CSPG4: variants seen among roughly 807,000 people sequenced by gnomAD.
CSPG4 encodes chondroitin sulfate proteoglycan 4, also known as chondroitin sulfate proteoglycan 4 (melanoma-associated).
CSPG4 carries 74 observed loss-of-function variants against 139.3 expected under a neutral mutation model. That is an observed-to-expected ratio of 0.53 (90% CI 0.44 to 0.64). CSPG4 has a LOEUF of 0.64. CSPG4 is among the 30% of genes least tolerant of loss of function. CSPG4 has a pLI of 0.00. For missense variants in CSPG4, 2,565 were observed against 3,148.3 expected (o/e 0.81, Z 4.43); for synonymous variants, 1,234 against 1,394.2 (o/e 0.89, Z 2.56).
intron 5 of CSPG4, 63 bp from the exon 6 acceptor site, chr15:75,683,104 C>T (rs1894002260): frequency 6.6e-7 from 1 of 1,510,744 alleles, no homozygotes; most frequent in Admixed American, 1.9e-5. Flanking sequence ...CCTCCCCGGC[C>T]CTGGGCTGCC....
chr15:75,702,524 A>G (rs1162577523), intron 1 of CSPG4, among the ~76,000 whole-genome samples: 1 of 152,146 alleles, frequency 6.6e-6, no homozygotes, highest in Non-Finnish European at 1.5e-5. Context: ...GAAAGGAGGG[A>G]GGGGCCCACC....
In CSPG4 at chr15:75,689,568, C is replaced by T. The variant is rs1894128323; in HGVS notation, c.1497G>A (p.Val499=). The change falls in exon 3 of 10, where the codon GTG becomes GTA. Residue 499 remains valine (V), a synonymous_variant. Coordinates refer to ENST00000308508, the MANE Select transcript of CSPG4 (RefSeq NM_001897.5). ...GGATGAAGCGGGCCTTGCGGTTCACCACGTCCAGGAGGGTGAACATTTTTC... is the reference window on the plus strand; with the variant it reads ...GGATGAAGCGGGCCTTGCGGTTCACTACGTCCAGGAGGGTGAACATTTTTC... ...QARKMFTLLD[V]VNRKARFIHD... is the part of the protein sequence containing the mutation. 6.2e-7 allele frequency: 1 copy of T among 1,612,694 alleles called. No individual in the cohort carries two copies. The highest frequency in any genetic ancestry group is 1.3e-5 in the African/African-American group (1 of 75,070).
rs1894090684 is a variant in CSPG4, at chr15:75,688,069, G to A, written c.2996C>T (p.Ala999Val). ...TRQGESSGDMAWEEVRGVFRV... is the reference protein window; with the variant it reads ...TRQGESSGDMVWEEVRGVFRV... Reference sequence around the variant, plus strand: ...GAAGACACCCCGTACCTCCTCCCAGGCCATGTCACCACTGCTCTCGCCCTG... The same window carrying A: ...GAAGACACCCCGTACCTCCTCCCAGACCATGTCACCACTGCTCTCGCCCTG... The change falls in exon 3 of 10, where the codon GCC becomes GTC. Residue 999 changes from alanine (A) to valine (V), a missense_variant. Transcript: ENST00000308508. 6.2e-7 allele frequency: 1 copy of A among 1,612,692 alleles called. No individual in the cohort carries two copies. Among genetic ancestry groups the A allele is most frequent in the African/African-American group, 1.3e-5 (1 of 74,940 alleles).
chr15:75,683,998 C>A (rs1360676819), intron 5 of CSPG4, among the ~76,000 whole-genome samples: 1 of 152,178 alleles, frequency 6.6e-6, no homozygotes, highest in Non-Finnish European at 1.5e-5. Flanking sequence ...AGGCCACCCG[C>A]TACGGGCACA....
chr15:75,690,278 C>A lies in CSPG4; in HGVS notation c.787G>T (p.Val263Leu), dbSNP rs141025839. 6.2e-7 allele frequency: 1 copy of A among 1,613,174 alleles called. No individual in the cohort carries two copies. The highest frequency in any genetic ancestry group is 1.7e-5 in the Admixed American group (1 of 60,010). The change falls in exon 3 of 10, where the codon GTG (valine) becomes TTG (leucine). Residue 263 changes from valine to leucine, a missense_variant. Transcript: ENST00000308508. ...ACGGTACCCTGGCCCTTCTCCACCA[C>A]GGCCCGCAGGTGGCCCTCAAATATG... ...VDIFEGHLRA[V>L]VEKGQGTVLL...
Position 75,689,726 on chromosome 15 carries a change from G to C in CSPG4, c.1339C>G (p.Leu447Val), listed in dbSNP as rs1366068744. 6.2e-7 allele frequency: 1 copy of C among 1,612,836 alleles called. No homozygotes were observed. Among genetic ancestry groups the C allele is most frequent in the African/African-American group, 1.3e-5 (1 of 75,062 alleles). ...LVVAEGGTAW[L>V]EWRHVQPTLD... ...GTGGGCTGCACATGCCTCCACTCAA[G>C]CCAGGCTGTGCCCCCCTCGGCCACC... The change falls in exon 3 of 10, where the codon CTT (leucine) becomes GTT (valine). Residue 447 changes from leucine to valine, a missense_variant. Leu to Val is a conservative substitution (Grantham distance 32). This residue lies in a region of CSPG4 where 2,316 missense variants were observed against 2,818.2 expected (regional missense o/e 0.82). Transcript: ENST00000308508.
intron 1 of CSPG4, among the ~76,000 whole-genome samples, chr15:75,710,067 AT>A (rs1376992444): frequency 6.6e-6 from 1 of 151,826 alleles, no homozygotes; most frequent in Non-Finnish European, 1.5e-5. Flanking sequence ...CCCTGCTTCA[AT>A]TTCTTGTACC....
In CSPG4 at chr15:75,688,970, C is replaced by A. The variant is rs146774923; in HGVS notation, c.2095G>T (p.Val699Leu). The stretch of plus-strand genomic sequence containing the variant: ...AGGGCCCCAGTGACGCGGAACAGCA[C>A]GCTCACATCCTGCCCCACGGCATTG... ...ETNAVGQDVS[V>L]LFRVTGALQF... Residue 699 changes from valine to leucine, a missense_variant, in exon 3 of 10, where the codon GTG becomes TTG. By Grantham distance (32) the Val-to-Leu change is conservative. Around this residue, in one of 5 missense-constraint regions of CSPG4, gnomAD observed 2,316 missense variants for 2,818.2 expected, o/e 0.82. Coordinates refer to ENST00000308508, the MANE Select transcript of CSPG4 (RefSeq NM_001897.5). The A allele has an allele frequency of 1.2e-6, 2 of 1,612,514 alleles. No individual in the cohort carries two copies. The highest frequency in any genetic ancestry group is 2.2e-5 in the South Asian group (2 of 91,056).
rs1028422945 is a variant in CSPG4, at chr15:75,696,422, A to G, written c.89-3189T>C. 6.6e-6 allele frequency among the ~76,000 whole-genome samples: 1 copy of G among 152,068 alleles called. No individual in the cohort carries two copies. The highest frequency in any genetic ancestry group is 2.4e-5 in the African/African-American group (1 of 41,394). ...CGTCAGTGGGCGTCCAGGGCTGTAT[A>G]TTAATAGATGTGTATTTGTGTGTGC... On this transcript the variant is annotated intron_variant, in intron 1 of 9. Coordinates refer to ENST00000308508, the MANE Select transcript of CSPG4 (RefSeq NM_001897.5). This position sits in a 1 kb window ranked among gnomAD's most constrained non-coding sequence, Gnocchi z 4.2.
chr15:75,711,584 T>C (rs989241711), intron 1 of CSPG4, among the ~76,000 whole-genome samples: 5 of 152,396 alleles, frequency 3.3e-5, no homozygotes, highest in African/African-American at 1.2e-4. Context: ...CTCCCTTGAC[T>C]CACTTCCCTT....
intron 5 of CSPG4, among the ~76,000 whole-genome samples, chr15:75,683,269 G>GC (rs1245939083): frequency 1.3e-5 from 2 of 152,110 alleles, no homozygotes; most frequent in Non-Finnish European, 2.9e-5. Flanking sequence ...CAGCCTCCCT[G>GC]CTCTCCATCT....
chr15:75,712,021 G>A (rs1596015659), intron 1 of CSPG4, among the ~76,000 whole-genome samples: 2 of 151,078 alleles, frequency 1.3e-5, no homozygotes, highest in Non-Finnish European at 3.0e-5. Flanking sequence ...CCTCTAGGAG[G>A]CTGAGAGTGG....
chr15:75,693,438 C>T (rs1566975946), intron 1 of CSPG4, among the ~76,000 whole-genome samples: 1 of 152,218 alleles, frequency 6.6e-6, no homozygotes, highest in Non-Finnish European at 1.5e-5. Context: ...CACCTTGTGT[C>T]CAGCCCAGAT....
At position 75,694,605 on chromosome 15, in the gene CSPG4, T is replaced by A. The variant is rs577630128; in HGVS notation, c.89-1372A>T. Among the ~76,000 whole-genome samples the A allele has an allele frequency of 3.9e-5, 6 of 152,338 alleles. No individual in the cohort carries two copies. The East Asian group carries it at 1.2e-3, about 29-fold the overall frequency. On this transcript the variant is annotated intron_variant, in intron 1 of 9. Coordinates refer to ENST00000308508, the MANE Select transcript of CSPG4 (RefSeq NM_001897.5). ...TCAGCCGTTGGAGGAGTCGGAGACT[T>A]GTACACCCTAAGGGCAGCCAGCCCC... is the stretch of plus-strand genomic sequence containing the variant.
intron 1 of CSPG4, among the ~76,000 whole-genome samples, chr15:75,699,501 T>C (rs1894272789): frequency 6.6e-6 from 1 of 152,172 alleles, no homozygotes; most frequent in Non-Finnish European, 1.5e-5. Flanking sequence ...ACATTTCCAG[T>C]TGAGGGAACC....
At chr15:75,678,845 G>A (rs1322027598) in intron 8 of CSPG4, 7 of 454,714 alleles carry the variant, frequency 1.5e-5, no homozygotes, top group Non-Finnish European at 3.1e-5. Context: ...CCGTGTTGTT[G>A]GATCCAGCGG....
At position 75,675,591 on chromosome 15, in the gene CSPG4, TC is replaced by T; in HGVS notation, c.6927del (p.Thr2310HisfsTer22). ...CCATTCTTAAGGGCAGGGTTGGGTG[TC>T]CGGCAGAACTGCAGCAGCTCTGGGT... is the stretch of plus-strand genomic sequence containing the variant. Reference protein sequence around the residue: ...QPDPELLQFCRTPNPALKNGQ... With the variant: ...QPDPELLQFCXTPNPALKNGQ... On this transcript the variant is annotated frameshift_variant, in exon 10 of 10. Transcript: ENST00000308508. LOFTEE classifies it high-confidence loss of function. The T allele has an allele frequency of 6.6e-7, 1 of 1,512,412 alleles. No individual in the cohort carries two copies. The highest frequency in any genetic ancestry group is 8.8e-7 in the Non-Finnish European group (1 of 1,130,908). The allele number at this position is 1,512,412 out of a possible 1,614,324, so 93.7% of individuals were successfully genotyped here. A position where few individuals can be genotyped will look rare whatever the true frequency, so the allele number is the denominator to read the frequency against.
rs1893881789 is a variant in CSPG4, at chr15:75,675,843, T to C, written c.6676A>G (p.Ile2226Val). The C allele has an allele frequency of 6.2e-7, 1 of 1,611,654 alleles. No individual in the cohort carries two copies. ...SFLEANMFSV[I>V]IPMCLVLLLL... ...AGAAGTACCAGGCACATGGGGATGA[T>C]GACGCTGAACATGTTGGCCTCAAGG... The change falls in exon 10 of 10, where the codon ATC (isoleucine) becomes GTC (valine). Residue 2226 changes from isoleucine to valine, a missense_variant. Coordinates refer to ENST00000308508, the MANE Select transcript of CSPG4 (RefSeq NM_001897.5).
In CSPG4 at chr15:75,676,415, G is replaced by A; in HGVS notation, c.6104C>T (p.Ala2035Val). The A allele has an allele frequency of 5.6e-6, 9 of 1,613,754 alleles. No individual in the cohort carries two copies. The highest frequency in any genetic ancestry group is 7.6e-6 in the Non-Finnish European group (9 of 1,180,040). The change falls in exon 10 of 10, where the codon GCA (alanine) becomes GTA (valine). Residue 2035 changes from alanine to valine, a missense_variant. Coordinates refer to ENST00000308508, the MANE Select transcript of CSPG4 (RefSeq NM_001897.5). ...CACAGTGACGTTCACTACGGCTGAT[G>A]CATTGACACCCCTAGCCAGTGCCAG... ...RVLALARGVN[A>V]SAVVNVTVRA...
Sources: gnomAD v4.1 joint callset for allele counts (sites outside exome capture counted in the v4.1 genomes callset) on GRCh38, gnomAD v4.1.1 for gene constraint, gnomAD v4.1.1 regional missense constraint, Gnocchi (gnomAD v3.1) non-coding constraint, MANE v1.5 for transcripts, NCBI Gene and HGNC (gene_info 2026-07-23, HGNC 2026-07-21) for gene names.